Variants in MAVS observed in about 807,000 individuals in gnomAD.
MAVS encodes the protein mitochondrial antiviral signaling protein.
In MAVS, 20 loss-of-function variants were observed where a neutral mutation model predicts 30.2. The ratio of observed to expected loss-of-function variants is 0.66; its 90% CI spans 0.47 to 0.96. The LOEUF (loss-of-function observed/expected upper bound fraction) is 0.96. Ranked by LOEUF, MAVS falls within the 40% of genes least tolerant of loss-of-function variation. The pLI is 0.00. For synonymous variants in MAVS, 278 were observed against 293.9 expected, an observed-to-expected ratio of 0.95 and a Z score of 0.55; for missense variants, 624 against 701.1, an observed-to-expected ratio of 0.89 and a Z score of 1.24.
chr20:3,869,944 C>CT lies in MAVS; in HGVS notation c.*3799dup, dbSNP rs2089941554. On this transcript the variant is annotated 3_prime_UTR_variant, in exon 7 of 7. Transcript: ENST00000428216. ...CAAATGATGCCGCTCAAAGCCGTGA[C>CT]TTGGCCTACTTTGAACAGCAAACTT... 1 of 152,336 alleles carries CT rather than the reference C, an allele frequency of 6.6e-6. No individual in the cohort carries two copies. Among genetic ancestry groups the CT allele is most frequent in the African/African-American group, 2.4e-5 (1 of 41,458 alleles). The allele number at this position is 152,336 out of a possible 1,614,324, so 9.4% of individuals were successfully genotyped here. A position where few individuals can be genotyped will look rare whatever the true frequency, so the allele number is the denominator to read the frequency against.
At chr20:3,863,069 A>G (rs1452647461) in intron 5 of MAVS, among the ~76,000 whole-genome samples, 1 of 152,168 alleles carries the variant, frequency 6.6e-6, no homozygotes, top group Non-Finnish European at 1.5e-5. Context: ...CAGGGCCTAT[A>G]GGGCAGTGGG....
chr20:3,859,916 A>C (rs1271030692), intron 3 of MAVS, among the ~76,000 whole-genome samples: 1 of 151,392 alleles, frequency 6.6e-6, no homozygotes, highest in Non-Finnish European at 1.5e-5. Context: ...TCCCGGGTTC[A>C]CGCCATTCTC....
intron 3 of MAVS, 48 bp downstream of exon 3, chr20:3,857,857 C>T: frequency 1.3e-6 from 2 of 1,583,566 alleles, no homozygotes; most frequent in Non-Finnish European, 1.7e-6. Context: ...TGCTCCCTGG[C>T]CTCCGCTCTC....
intron 3 of MAVS, 69 bp from the exon 4 acceptor site, chr20:3,861,263 G>T: frequency 6.7e-7 from 1 of 1,486,198 alleles, no homozygotes. Context: ...AAAGTGCTGA[G>T]ATTACAGGCA....
chr20:3,865,213 G>A lies in MAVS; in HGVS notation c.1158+425G>A, dbSNP rs16988997. Among the ~76,000 whole-genome samples, 25,594 of 152,114 alleles carry A rather than the reference G, an allele frequency of 0.17. 2,283 individuals are homozygous for A. Among genetic ancestry groups the A allele is most frequent in the African/African-American group, 0.23 (9,397 of 41,472 alleles). ...CCTCCATGGCCAGGCTTTACAGAAC[G>A]CAGTCCCACCTGGAGCAGCCACTCG... On this transcript the variant is annotated intron_variant, in intron 6 of 6. Coordinates refer to ENST00000428216, the MANE Select transcript of MAVS (RefSeq NM_020746.5). This position sits in a 1 kb window ranked among gnomAD's most constrained non-coding sequence, Gnocchi z 4.7.
At chr20:3,860,045 CTGA>C (rs2089852981) in intron 3 of MAVS, among the ~76,000 whole-genome samples, 1 of 152,124 alleles carries the variant, frequency 6.6e-6, no homozygotes, top group African/African-American at 2.4e-5. Context: ...TCTCGATCTC[CTGA>C]CCTCGTGATC....
At position 3,864,476 on chromosome 20, in the gene MAVS, C is replaced by T. The variant is rs147530699; in HGVS notation, c.846C>T (p.Ile282=). 472 of 1,614,034 alleles carry T rather than the reference C, an allele frequency of 2.9e-4. 3 individuals carry two copies. In the African/African-American group the frequency reaches 5.7e-3, roughly 20 times the overall value. ...AGAGTGACCAGGCCGAGCCTATCAT[C>T]TGCTCCAGTGGGGCAGAGGCACCTG... ...GAESDQAEPI[I]CSSGAEAPAN... The change falls in exon 6 of 7, where the codon ATC becomes ATT. Residue 282 remains isoleucine (I), a synonymous_variant. Coordinates refer to ENST00000428216, the MANE Select transcript of MAVS (RefSeq NM_020746.5).
At chr20:3,862,846 C>G (rs1257206771) in intron 5 of MAVS, among the ~76,000 whole-genome samples, 2 of 152,140 alleles carry the variant, frequency 1.3e-5, no homozygotes, top group Non-Finnish European at 2.9e-5. Context: ...GGGCAGAGTT[C>G]TCAGAGAGGG....
At chr20:3,856,872 A>T (rs866339887) in intron 2 of MAVS, among the ~76,000 whole-genome samples, 1 of 151,996 alleles carries the variant, frequency 6.6e-6, no homozygotes, top group African/African-American at 2.4e-5. Flanking sequence ...TGTCTCTACT[A>T]AAAATACAAA....
At chr20:3,850,168 T>C (rs939456650) in intron 1 of MAVS, among the ~76,000 whole-genome samples, 1 of 148,972 alleles carries the variant, frequency 6.7e-6, no homozygotes, top group Admixed American at 6.8e-5. Flanking sequence ...TCCCAGCTAC[T>C]TGGGAGGCTG....
chr20:3,874,481 G>A lies in MAVS; in HGVS notation c.*8334G>A. 1 of 358,874 alleles carries A rather than the reference G, an allele frequency of 2.8e-6. No individual in the cohort carries two copies. The highest frequency in any genetic ancestry group is 5.0e-6 in the Non-Finnish European group (1 of 200,812). The allele number at this position is 358,874 out of a possible 1,614,324, so 22.2% of individuals were successfully genotyped here. A position where few individuals can be genotyped will look rare whatever the true frequency, so the allele number is the denominator to read the frequency against. Reference sequence around the variant, plus strand: ...TTTGGCAGGGGTCAAAGGCAGGCAGGGACTGTGAAATGTTATAGTGGAAAA... The same window carrying A: ...TTTGGCAGGGGTCAAAGGCAGGCAGAGACTGTGAAATGTTATAGTGGAAAA... On this transcript the variant is annotated 3_prime_UTR_variant, in exon 7 of 7. Transcript: ENST00000428216.
At chr20:3,863,711 C>A (rs1013912962) in intron 5 of MAVS, among the ~76,000 whole-genome samples, 2 of 152,144 alleles carry the variant, frequency 1.3e-5, no homozygotes, top group Non-Finnish European at 2.9e-5. Context: ...CTGCTTCCCC[C>A]ACCCAGGTCA....
At chr20:3,848,154 CA>C (rs2089724316) in intron 1 of MAVS, among the ~76,000 whole-genome samples, 1 of 151,960 alleles carries the variant, frequency 6.6e-6, no homozygotes, top group Non-Finnish European at 1.5e-5. Context: ...GGCTGGAGCG[CA>C]GTGGTCCAAT....
intron 1 of MAVS, among the ~76,000 whole-genome samples, chr20:3,852,289 C>T (rs2089768574): frequency 1.3e-5 from 2 of 151,844 alleles, no homozygotes; most frequent in South Asian, 4.2e-4. Context: ...CCACCGTGCC[C>T]GGCCTATGTG....
rs1056841445 is a variant in MAVS at position 3,852,177 on chromosome 20, G to A, written c.-67-2381G>A. 3.9e-5 allele frequency among the ~76,000 whole-genome samples: 6 copies of A among 151,948 alleles called. No homozygotes were observed. In the East Asian group the frequency reaches 7.8e-4, roughly 20 times the overall value. ...GCCGGGCTAATTTTTTGTATTTTTA[G>A]TAGAGACGGGGTTTCACCGTGTTAG... is the stretch of plus-strand genomic sequence containing the variant. On this transcript the variant is annotated intron_variant, in intron 1 of 6. Coordinates refer to ENST00000428216, the MANE Select transcript of MAVS (RefSeq NM_020746.5).
chr20:3,864,647 T>C lies in MAVS; in HGVS notation c.1017T>C (p.Asn339=). The C allele has an allele frequency of 6.8e-6, 11 of 1,614,214 alleles. No homozygotes were observed. The highest frequency in any genetic ancestry group is 9.3e-6 in the Non-Finnish European group (11 of 1,180,030). The change falls in exon 6 of 7, where the codon AAT becomes AAC. Residue 339 remains asparagine (N), a synonymous_variant. Transcript: ENST00000428216. ...SSKPPGAVPS[N]ALTNPAPSKL... ...AGCCCCCTGGTGCAGTGCCTTCTAA[T>C]GCGCTCACCAATCCAGCACCATCCA...
At chr20:3,861,046 G>A (rs1186212591) in intron 3 of MAVS, among the ~76,000 whole-genome samples, 7 of 148,834 alleles carry the variant, frequency 4.7e-5, no homozygotes, top group Admixed American at 6.8e-5. Flanking sequence ...AGGCTGGAGT[G>A]CAGTGGCGCG....
rs898909008 is a variant in MAVS, at chr20:3,864,293, G to C, written c.663G>C (p.Val221=). 9 of 1,613,174 alleles carry C rather than the reference G, an allele frequency of 5.6e-6. No individual in the cohort carries two copies. Among genetic ancestry groups the C allele is most frequent in the Non-Finnish European group, 7.6e-6 (9 of 1,179,574 alleles). The change falls in exon 6 of 7, where the codon GTG becomes GTC. Residue 221 remains valine (V), a synonymous_variant. Coordinates refer to ENST00000428216, the MANE Select transcript of MAVS (RefSeq NM_020746.5). ...TSSLTPSRGP[V]SPSVSFQPLA... is the part of the protein sequence containing the mutation. ...GCCTCACACCATCCCGTGGGCCTGT[G>C]TCTCCATCTGTCTCCTTCCAGCCCC...
intron 3 of MAVS, among the ~76,000 whole-genome samples, chr20:3,859,130 TCCTCCCTC>T (rs150692447): frequency 6.6e-6 from 1 of 150,980 alleles, no homozygotes; most frequent in Admixed American, 6.6e-5. Context: ...TCCTTGCTTT[TCCTCCCTC>T]CCTCCCTCCC....
Sources: gnomAD v4.1 joint callset for allele counts (sites outside exome capture counted in the v4.1 genomes callset) on GRCh38, gnomAD v4.1.1 for gene constraint, Gnocchi (gnomAD v3.1) non-coding constraint, MANE v1.5 for transcripts, NCBI Gene and HGNC (gene_info 2026-07-23, HGNC 2026-07-21) for gene names.